The following STIMATE variants were observed in gnomAD, a reference collection of about 807,000 sequenced individuals.
The protein encoded by STIMATE is store-operated calcium entry regulator STIMATE.
A neutral mutation model predicts 36.7 loss-of-function variants in STIMATE; 15 were observed. The ratio of observed to expected loss-of-function variants is 0.41; its 90% CI spans 0.27 to 0.63. The LOEUF (loss-of-function observed/expected upper bound fraction) is 0.63. Ranked by LOEUF, STIMATE falls within the 20% of genes least tolerant of loss-of-function variation. The pLI is 0.32. For synonymous variants in STIMATE, 163 were observed against 162.3 expected, an observed-to-expected ratio of 1.00 and a Z score of -0.03; for missense variants, 305 against 397.3, an observed-to-expected ratio of 0.77 and a Z score of 1.98.
intron 1 of STIMATE, among the ~76,000 whole-genome samples, chr3:52,856,067 C>A (rs550966961): frequency 2.0e-5 from 3 of 152,298 alleles, no homozygotes; most frequent in Non-Finnish European, 4.4e-5. Context: ...AAGCCAAGCC[C>A]TGAAGGCTGG....
intron 1 of STIMATE, among the ~76,000 whole-genome samples, chr3:52,875,415 AC>A (rs1701485927): frequency 6.6e-6 from 1 of 152,158 alleles, no homozygotes; most frequent in Non-Finnish European, 1.5e-5. Context: ...AGCAGCACAG[AC>A]ATTAATCTCT....
chr3:52,881,652 A>G (rs1290175609), intron 1 of STIMATE, among the ~76,000 whole-genome samples: 3 of 152,186 alleles, frequency 2.0e-5, no homozygotes, highest in African/African-American at 7.2e-5. Context: ...CAGTGAGCTG[A>G]GATTGCACCA....
At chr3:52,844,203 C>T (rs1049802837) in intron 5 of STIMATE, among the ~76,000 whole-genome samples, 3 of 152,234 alleles carry the variant, frequency 2.0e-5, no homozygotes, top group Non-Finnish European at 1.5e-5. Context: ...ACACCTCAAC[C>T]ACCCCTAAAA....
intron 1 of STIMATE, among the ~76,000 whole-genome samples, chr3:52,869,095 A>T (rs1008147376): frequency 1.3e-5 from 2 of 152,134 alleles, no homozygotes; most frequent in Non-Finnish European, 2.9e-5. Flanking sequence ...CTTGAGGGGA[A>T]TACAAAACTG....
At chr3:52,852,455 C>T in intron 3 of STIMATE, 148 bp downstream of exon 3, 1 of 936,282 alleles carries the variant, frequency 1.1e-6, no homozygotes, top group Non-Finnish European at 1.6e-6. Context: ...ACAGCATGTA[C>T]AGGATGGTCT....
intron 1 of STIMATE, among the ~76,000 whole-genome samples, chr3:52,876,948 A>T (rs1223869881): frequency 6.6e-6 from 1 of 152,250 alleles, no homozygotes; most frequent in Admixed American, 6.5e-5. Context: ...GTTATTCTAC[A>T]CTGAAGGTAG....
chr3:52,855,682 G>A (rs931256492), intron 1 of STIMATE, among the ~76,000 whole-genome samples: 1 of 152,216 alleles, frequency 6.6e-6, no homozygotes, highest in African/African-American at 2.4e-5. Context: ...CTCATAGCAT[G>A]TGGAAAACTG....
intron 1 of STIMATE, among the ~76,000 whole-genome samples, chr3:52,865,287 T>C (rs1292981566): frequency 2.6e-5 from 4 of 152,116 alleles, no homozygotes; most frequent in African/African-American, 9.7e-5. Flanking sequence ...TTTCCCACAT[T>C]TTCCTTTCTT....
At chr3:52,884,180 T>C (rs1466241138) in intron 1 of STIMATE, among the ~76,000 whole-genome samples, 4 of 152,154 alleles carry the variant, frequency 2.6e-5, no homozygotes, top group Non-Finnish European at 5.9e-5. Context: ...CAGTGAGTTT[T>C]GGGAAATGTG....
intron 1 of STIMATE, among the ~76,000 whole-genome samples, chr3:52,883,886 T>TG (rs1394691802): frequency 1.3e-5 from 2 of 152,232 alleles, no homozygotes; most frequent in Non-Finnish European, 2.9e-5. Context: ...TGTAATTTCT[T>TG]GGTCTATTAA....
At position 52,882,237 on chromosome 3, in the gene STIMATE, G is replaced by T. The variant is rs930224343; in HGVS notation, c.160+15054C>A. 9.8e-5 allele frequency among the ~76,000 whole-genome samples: 15 copies of T among 152,316 alleles called. No homozygotes were observed. The South Asian group carries it at 1.0e-3, about 11-fold the overall frequency. On this transcript the variant is annotated intron_variant, in intron 1 of 7. Coordinates refer to ENST00000355083, the MANE Select transcript of STIMATE (RefSeq NM_198563.5). Reference sequence around the variant, plus strand: ...GACATGACGGCTGGCTCTCCCCAGAGCAAGGGACCCAGCAGGGAGGAAGCA... The same window carrying T: ...GACATGACGGCTGGCTCTCCCCAGATCAAGGGACCCAGCAGGGAGGAAGCA...
At chr3:52,878,843 C>T (rs1315414943) in intron 1 of STIMATE, among the ~76,000 whole-genome samples, 1 of 152,050 alleles carries the variant, frequency 6.6e-6, no homozygotes, top group Non-Finnish European at 1.5e-5. Context: ...AGATAAGAGC[C>T]GATAGGACAC....
intron 1 of STIMATE, among the ~76,000 whole-genome samples, chr3:52,860,310 G>C (rs1701196466): frequency 6.6e-6 from 1 of 152,080 alleles, no homozygotes; most frequent in African/African-American, 2.4e-5. Flanking sequence ...GGTAAACACA[G>C]AGGCAGGTGA....
intron 1 of STIMATE, among the ~76,000 whole-genome samples, chr3:52,868,104 C>T (rs562101674): frequency 8.5e-5 from 13 of 152,312 alleles, no homozygotes; most frequent in Admixed American, 2.6e-4. Context: ...AAGTGATAAA[C>T]GAACATCCCA....
intron 1 of STIMATE, among the ~76,000 whole-genome samples, chr3:52,860,104 C>A: frequency 7.6e-6 from 1 of 132,334 alleles, no homozygotes; most frequent in African/African-American, 2.7e-5. Context: ...GAGCTTCTCC[C>A]AGTCAAATTT....
chr3:52,861,954 T>C lies in STIMATE; in HGVS notation c.161-6510A>G, dbSNP rs1009586417. 2.0e-5 allele frequency among the ~76,000 whole-genome samples: 3 copies of C among 152,170 alleles called. No homozygotes were observed. In the South Asian group the frequency reaches 6.2e-4, roughly 31 times the overall value. ...TCCCTACACAGCCTCCCCTTCTTCCTCTTGACTCCTGGGGAGAAGTTCCCC... is the reference window on the plus strand; with the variant it reads ...TCCCTACACAGCCTCCCCTTCTTCCCCTTGACTCCTGGGGAGAAGTTCCCC... On this transcript the variant is annotated intron_variant, in intron 1 of 7. Coordinates refer to ENST00000355083, the MANE Select transcript of STIMATE (RefSeq NM_198563.5).
At chr3:52,895,807 C>T in intron 1 of STIMATE, 1 of 1,134,714 alleles carries the variant, frequency 8.8e-7, no homozygotes, top group Non-Finnish European at 1.2e-6. Context: ...ATTTAACCTA[C>T]ACTTCCTTCA....
rs1281241868 is a variant in STIMATE, at chr3:52,844,948, G to C, written c.428-7C>G. The C allele has an allele frequency of 3.7e-6, 6 of 1,612,674 alleles. No homozygotes were observed. In the Admixed American group the frequency reaches 1.0e-4, roughly 27 times the overall value. On this transcript the variant is annotated splice_region_variant and splice_polypyrimidine_tract_variant and intron_variant, in intron 4 of 7. Coordinates refer to ENST00000355083, the MANE Select transcript of STIMATE (RefSeq NM_198563.5). ...CCACACTGCAGAGGGTCTCCTGCAG[G>C]GACAGGCGGGTGCTTAGTCACATGG...
At chr3:52,865,264 G>A (rs1701285592) in intron 1 of STIMATE, among the ~76,000 whole-genome samples, 1 of 152,130 alleles carries the variant, frequency 6.6e-6, no homozygotes, top group African/African-American at 2.4e-5. Flanking sequence ...CAAGTCTCTA[G>A]AGAGTTCCAA....
Sources: gnomAD v4.1 joint callset for allele counts (sites outside exome capture counted in the v4.1 genomes callset) on GRCh38, gnomAD v4.1.1 for gene constraint, MANE v1.5 for transcripts, NCBI Gene and HGNC (gene_info 2026-07-23, HGNC 2026-07-21) for gene names.